Variants in TMCC1 observed in about 807,000 individuals in gnomAD.
TMCC1 encodes the protein transmembrane and coiled-coil domain family 1, also known as transmembrane and coiled-coil domains protein 1.
A neutral mutation model predicts 52.4 loss-of-function variants in TMCC1; 15 were observed. The ratio of observed to expected loss-of-function variants is 0.29; its 90% CI spans 0.19 to 0.44. The LOEUF (loss-of-function observed/expected upper bound fraction) is 0.44. TMCC1 is among the 20% of genes least tolerant of loss of function. The probability of loss-of-function intolerance (pLI) is 1.00; values close to 1 mark genes in which losing one functional copy is unlikely to be tolerated. For missense variants in TMCC1, 503 were observed against 806.0 expected, an observed-to-expected ratio of 0.62 and a Z score of 4.55; for synonymous variants, 279 against 301.9, an observed-to-expected ratio of 0.92 and a Z score of 0.79.
intron 2 of TMCC1, among the ~76,000 whole-genome samples, chr3:129,878,527 A>C (rs896811797): frequency 1.3e-5 from 2 of 152,204 alleles, no homozygotes; most frequent in African/African-American, 2.4e-5. Flanking sequence ...GCTACTCTCT[A>C]GCACAAACCA....
intron 2 of TMCC1, among the ~76,000 whole-genome samples, chr3:129,863,118 C>T (rs2060468915): frequency 6.6e-6 from 1 of 152,114 alleles, no homozygotes; most frequent in South Asian, 2.1e-4. Flanking sequence ...TAGGGAATTA[C>T]TAGGGGGATA....
chr3:129,843,302 G>A (rs939446252), intron 2 of TMCC1, among the ~76,000 whole-genome samples: 5 of 151,612 alleles, frequency 3.3e-5, no homozygotes, highest in African/African-American at 9.7e-5. Flanking sequence ...AGCCGAGATC[G>A]CACCACTGCA....
At chr3:129,761,327 C>CAAAAAAAAAAAAAAAAAA (rs59160769) in intron 4 of TMCC1, among the ~76,000 whole-genome samples, 1 of 61,230 alleles carries the variant, frequency 1.6e-5, no homozygotes, top group African/African-American at 6.0e-5. Context: ...GACTCCGTCT[C>CAAAAAAAAAAAAAAAAAA]AAAAAAAAAA....
chr3:129,664,452 T>G (rs2087290165), intron 5 of TMCC1, among the ~76,000 whole-genome samples: 1 of 152,246 alleles, frequency 6.6e-6, no homozygotes, highest in Admixed American at 6.5e-5. Flanking sequence ...ATGTGACAAC[T>G]GCTCAGGGTG....
At chr3:129,795,973 T>C (rs1026956326) in intron 4 of TMCC1, among the ~76,000 whole-genome samples, 8 of 152,236 alleles carry the variant, frequency 5.3e-5, no homozygotes, top group Non-Finnish European at 8.8e-5. Flanking sequence ...TTCTATTTTA[T>C]TGTTACTGTT....
rs369436525 is a variant in TMCC1, at chr3:129,824,335, C to CA, written c.576+3467dup. 2.7e-4 allele frequency among the ~76,000 whole-genome samples: 41 copies of CA among 151,554 alleles called. No homozygotes were observed. In the South Asian group the frequency reaches 4.8e-3, roughly 18 times the overall value. ...TGGGTGACAGAGCGTGACTCTGTGT[C>CA]AAAAAAAACCAACCAACCAAACAAA... is the stretch of plus-strand genomic sequence containing the variant. On this transcript the variant is annotated intron_variant, in intron 4 of 6. Coordinates refer to ENST00000393238, the MANE Select transcript of TMCC1 (RefSeq NM_001017395.5).
At chr3:129,734,034 C>T (rs185072235) in intron 4 of TMCC1, among the ~76,000 whole-genome samples, 14 of 152,098 alleles carry the variant, frequency 9.2e-5, no homozygotes. Flanking sequence ...TACTGTATAA[C>T]CCAGTAAATC....
intron 4 of TMCC1, among the ~76,000 whole-genome samples, chr3:129,704,407 G>C (rs566570648): frequency 2.6e-4 from 40 of 152,078 alleles, no homozygotes; most frequent in African/African-American, 9.2e-4. Flanking sequence ...ACATCAGATG[G>C]GAAGAGCATT....
Position 129,847,682 on chromosome 3 carries a change from T to A in TMCC1, c.-183-14856A>T, listed in dbSNP as rs372005166. On this transcript the variant is annotated intron_variant, in intron 2 of 6. Coordinates refer to ENST00000393238, the MANE Select transcript of TMCC1 (RefSeq NM_001017395.5). ...TGTGGATATACAGTTTCATTTCTCTTGAATAATTAGAAATGGAATGGATGA... is the reference window on the plus strand; with the variant it reads ...TGTGGATATACAGTTTCATTTCTCTAGAATAATTAGAAATGGAATGGATGA... The A allele has an allele frequency of 4.6e-5, 7 of 152,354 alleles. No individual in the cohort carries two copies. The East Asian group carries it at 1.4e-3, about 29-fold the overall frequency. 9.4% of individuals were successfully genotyped at this position (152,354 alleles called of 1,614,324 possible). A position where few individuals can be genotyped will look rare whatever the true frequency, so the allele number is the denominator to read the frequency against.
Position 129,651,253 on chromosome 3 carries a change from T to C in TMCC1, c.*228A>G, listed in dbSNP as rs1157334940. The C allele has an allele frequency of 1.9e-6, 1 of 532,436 alleles. No individual in the cohort carries two copies. Among genetic ancestry groups the C allele is most frequent in the Non-Finnish European group, 3.3e-6 (1 of 303,284 alleles). The allele number at this position is 532,436 out of a possible 1,614,324, so 33.0% of individuals were successfully genotyped here. ...AAGATTTGCATCCCAAGGAAAATCA[T>C]GCTACATAAAAATGATCCAAGATTT... On this transcript the variant is annotated 3_prime_UTR_variant, in exon 7 of 7. Transcript: ENST00000393238. This position sits in a 1 kb window ranked among gnomAD's most constrained non-coding sequence, Gnocchi z 5.1.
chr3:129,872,595 C>T (rs1008511482), intron 2 of TMCC1, among the ~76,000 whole-genome samples: 20 of 152,158 alleles, frequency 1.3e-4, no homozygotes, highest in African/African-American at 4.6e-4. Context: ...AATGTTTTGC[C>T]CTCCATATCC....
At position 129,746,457 on chromosome 3, in the gene TMCC1, G is replaced by C. The variant is rs2051984165; in HGVS notation, c.577-75193C>G. Among the ~76,000 whole-genome samples the C allele has an allele frequency of 2.0e-5, 3 of 151,998 alleles. No individual in the cohort carries two copies. In the South Asian group the frequency reaches 6.2e-4, roughly 32 times the overall value. On this transcript the variant is annotated intron_variant, in intron 4 of 6. Transcript: ENST00000393238. ...GCCTCCCAAAGTGCTAGGATTACAG[G>C]TTTAGTTTTTTTTAACTATGCAGAC...
At chr3:129,781,422 T>C (rs1334791615) in intron 4 of TMCC1, among the ~76,000 whole-genome samples, 2 of 152,208 alleles carry the variant, frequency 1.3e-5, no homozygotes, top group African/African-American at 2.4e-5. Flanking sequence ...TCTCTGCCTA[T>C]CTACCTTTCA....
At chr3:129,707,663 G>A (rs2048344957) in intron 4 of TMCC1, among the ~76,000 whole-genome samples, 1 of 152,170 alleles carries the variant, frequency 6.6e-6, no homozygotes, top group Admixed American at 6.5e-5. Context: ...GTCAGACGTG[G>A]TGGCTCACGC....
chr3:129,718,895 G>C (rs890359491), intron 4 of TMCC1, among the ~76,000 whole-genome samples: 1 of 152,140 alleles, frequency 6.6e-6, no homozygotes, highest in Non-Finnish European at 1.5e-5. Flanking sequence ...TGTTAGTTAA[G>C]CTTTGGGGGA....
intron 4 of TMCC1, among the ~76,000 whole-genome samples, chr3:129,767,374 A>AT (rs995418429): frequency 8.8e-4 from 129 of 147,214 alleles, no homozygotes; most frequent in East Asian, 2.0e-3. Flanking sequence ...ACCACAGTCA[A>AT]TTTTTTTTTT....
Position 129,815,346 on chromosome 3 carries a change from T to TA in TMCC1, c.576+12456_576+12457insT, listed in dbSNP as rs2058044549. ...ATGGGAGGTATCACACTACCTGACT[T>TA]CAAAACATACTATAAAGCAATAGTA... On this transcript the variant is annotated intron_variant, in intron 4 of 6. Transcript: ENST00000393238. 3.9e-5 allele frequency among the ~76,000 whole-genome samples: 6 copies of TA among 152,186 alleles called. No individual in the cohort carries two copies. In the South Asian group the frequency reaches 1.2e-3, roughly 32 times the overall value.
chr3:129,667,947 G>T (rs1665742638), intron 5 of TMCC1, among the ~76,000 whole-genome samples: 1 of 152,148 alleles, frequency 6.6e-6, no homozygotes, highest in Non-Finnish European at 1.5e-5. Context: ...AGCACTTTGG[G>T]AGGCCAAGGA....
intron 4 of TMCC1, among the ~76,000 whole-genome samples, chr3:129,760,494 G>GTGTGTGTGTT (rs1491495500): frequency 1.4e-5 from 2 of 145,088 alleles, no homozygotes; most frequent in African/African-American, 5.3e-5. Flanking sequence ...GTGTGTGTGT[G>GTGTGTGTGTT]TTTTTGAGAC....
Sources: allele counts gnomAD v4.1 joint callset (sites outside exome capture counted in the v4.1 genomes callset), GRCh38; gene constraint gnomAD v4.1.1; non-coding constraint Gnocchi (gnomAD v3.1); transcripts MANE v1.5; gene names NCBI Gene and HGNC (gene_info 2026-07-23, HGNC 2026-07-21).